EVA1A: variants seen among roughly 807,000 people sequenced by gnomAD.
EVA1A encodes the protein eva-1 homolog A, regulator of programmed cell death.
In EVA1A, 7 loss-of-function variants were observed where a neutral mutation model predicts 9.8. That is an observed-to-expected ratio of 0.71 (90% CI 0.41 to 1.34). The LOEUF (loss-of-function observed/expected upper bound fraction) is 1.34. EVA1A is among the 40% of genes most tolerant of loss of function. The pLI is 0.01. For synonymous variants in EVA1A, 90 were observed against 85.6 expected, an observed-to-expected ratio of 1.05 and a Z score of -0.28; for missense variants, 206 against 205.9, an observed-to-expected ratio of 1.00 and a Z score of 0.00.
chr2:75,503,127 A>T (rs1360396111), intron 3 of EVA1A, among the ~76,000 whole-genome samples: 18 of 152,214 alleles, frequency 1.2e-4, no homozygotes, highest in Admixed American at 1.2e-3. Flanking sequence ...CAGACTGGGT[A>T]AGGGAATTCA....
chr2:75,534,455 CACT>C (rs1228383856), intron 1 of EVA1A, among the ~76,000 whole-genome samples: 9 of 148,742 alleles, frequency 6.1e-5, no homozygotes, highest in Admixed American at 3.3e-4. Flanking sequence ...CACTTAAAAA[CACT>C]ACGAACAAAT....
At chr2:75,517,882 A>C in intron 3 of EVA1A, 174 bp downstream of exon 3, 4 of 787,740 alleles carry the variant, frequency 5.1e-6, no homozygotes. Flanking sequence ...AGAGAATGAC[A>C]AGCTTAACTC....
chr2:75,512,405 T>C (rs942949139), intron 3 of EVA1A, among the ~76,000 whole-genome samples: 4 of 151,848 alleles, frequency 2.6e-5, no homozygotes, highest in Non-Finnish European at 5.9e-5. Context: ...GTGGGGTAGA[T>C]TGAGGAGAGA....
At chr2:75,529,066 C>T (rs536309418) in intron 1 of EVA1A, among the ~76,000 whole-genome samples, 44 of 152,220 alleles carry the variant, frequency 2.9e-4, no homozygotes, top group Non-Finnish European at 4.4e-4. Context: ...CACTCTACTG[C>T]TGCCTCTACC....
chr2:75,517,564 C>T (rs1046568549), intron 3 of EVA1A, among the ~76,000 whole-genome samples: 1 of 152,196 alleles, frequency 6.6e-6, no homozygotes, highest in Non-Finnish European at 1.5e-5. Context: ...TCAGACTCTT[C>T]CATACTCCGC....
At chr2:75,516,484 G>C (rs1056344577) in intron 3 of EVA1A, among the ~76,000 whole-genome samples, 1 of 152,192 alleles carries the variant, frequency 6.6e-6, no homozygotes, top group African/African-American at 2.4e-5. Flanking sequence ...AGGAAGTTTG[G>C]AGGGGAGAGA....
intron 3 of EVA1A, 26 bp from the exon 4 acceptor site, chr2:75,493,635 G>A (rs368083053): frequency 7.1e-6 from 11 of 1,547,814 alleles, no homozygotes; most frequent in African/African-American, 4.1e-5. Flanking sequence ...GAAGAAGCAA[G>A]CATTTGAGAG....
At chr2:75,552,483 T>C (rs2103972508) in intron 1 of EVA1A, among the ~76,000 whole-genome samples, 1 of 152,302 alleles carries the variant, frequency 6.6e-6, no homozygotes, top group South Asian at 2.1e-4. Context: ...CACCAAATCA[T>C]GCCAACTTTA....
chr2:75,523,867 C>G (rs1675319930), intron 1 of EVA1A, among the ~76,000 whole-genome samples: 1 of 152,158 alleles, frequency 6.6e-6, no homozygotes, highest in African/African-American at 2.4e-5. Flanking sequence ...TCTTACCTCT[C>G]TGATGTGGTT....
At chr2:75,540,304 G>A (rs1283849823) in intron 1 of EVA1A, among the ~76,000 whole-genome samples, 1 of 152,216 alleles carries the variant, frequency 6.6e-6, no homozygotes, top group Non-Finnish European at 1.5e-5. Context: ...GTTGCATGAT[G>A]ACATTTAGAG....
chr2:75,512,400 G>T (rs1307308689), intron 3 of EVA1A, among the ~76,000 whole-genome samples: 2 of 152,130 alleles, frequency 1.3e-5, no homozygotes, highest in Admixed American at 6.6e-5. Context: ...TCGAGGTGGG[G>T]TAGATTGAGG....
At chr2:75,537,680 T>C (rs1290763673) in intron 1 of EVA1A, among the ~76,000 whole-genome samples, 4 of 152,230 alleles carry the variant, frequency 2.6e-5, no homozygotes, top group Non-Finnish European at 4.4e-5. Flanking sequence ...GTTTGGGTCA[T>C]GGAGATGGAT....
intron 1 of EVA1A, among the ~76,000 whole-genome samples, chr2:75,553,075 C>G (rs1254567022): frequency 6.6e-6 from 1 of 152,222 alleles, no homozygotes; most frequent in Non-Finnish European, 1.5e-5. Flanking sequence ...TGTCCCCAGC[C>G]ATGCCTATCT....
Position 75,492,971 on chromosome 2 carries a change from C to A in EVA1A, c.*265G>T. ...ATCAAGAGAAACCACAGTCGCGTTTCTCCGATCTCCATCCACAGTGTTGGA... is the reference window on the plus strand; with the variant it reads ...ATCAAGAGAAACCACAGTCGCGTTTATCCGATCTCCATCCACAGTGTTGGA... On this transcript the variant is annotated 3_prime_UTR_variant, in exon 4 of 4. Coordinates refer to ENST00000393913, the MANE Select transcript of EVA1A (RefSeq NM_001135032.2). The A allele has an allele frequency of 2.2e-6, 1 of 454,740 alleles. No homozygotes were observed. Among genetic ancestry groups the A allele is most frequent in the African/African-American group, 2.0e-5 (1 of 50,064 alleles). 28.2% of individuals were successfully genotyped at this position (454,740 alleles called of 1,614,324 possible). A position where few individuals can be genotyped will look rare whatever the true frequency, so the allele number is the denominator to read the frequency against.
intron 3 of EVA1A, among the ~76,000 whole-genome samples, chr2:75,508,371 G>A (rs1042909004): frequency 1.8e-4 from 28 of 152,126 alleles, no homozygotes; most frequent in Admixed American, 1.2e-3. Context: ...AACATCCCTG[G>A]GAAAGAGAAT....
At chr2:75,525,578 A>G (rs946101927) in intron 1 of EVA1A, among the ~76,000 whole-genome samples, 8 of 152,202 alleles carry the variant, frequency 5.3e-5, no homozygotes, top group African/African-American at 1.9e-4. Flanking sequence ...CATTTGTGGT[A>G]GCTAACACAG....
chr2:75,510,494 T>G (rs1478345645), intron 3 of EVA1A, among the ~76,000 whole-genome samples: 1 of 152,088 alleles, frequency 6.6e-6, no homozygotes, highest in Non-Finnish European at 1.5e-5. Context: ...AATTAAGTTG[T>G]GGGGGGTGAG....
chr2:75,504,842 T>C (rs1029874161), intron 3 of EVA1A, among the ~76,000 whole-genome samples: 1 of 152,006 alleles, frequency 6.6e-6, no homozygotes, highest in Admixed American at 6.6e-5. Context: ...AAATACCTAA[T>C]GCATGCGGGG....
At chr2:75,532,816 T>A (rs7565861) in intron 1 of EVA1A, among the ~76,000 whole-genome samples, 1 of 152,024 alleles carries the variant, frequency 6.6e-6, no homozygotes, top group African/African-American at 2.4e-5. Flanking sequence ...GAAATCCATG[T>A]GAAGACACAC....
Sources: allele counts gnomAD v4.1 joint callset (sites outside exome capture counted in the v4.1 genomes callset), GRCh38; gene constraint gnomAD v4.1.1; transcripts MANE v1.5; gene names NCBI Gene and HGNC (gene_info 2026-07-23, HGNC 2026-07-21).